SPECC1L: variants seen among roughly 807,000 people sequenced by gnomAD.
SPECC1L encodes cytospin-A.
Under a neutral mutation model 116.8 loss-of-function variants are expected in SPECC1L, and 40 were observed. That is an observed-to-expected ratio of 0.34 (90% CI 0.27 to 0.45). The LOEUF is 0.45. SPECC1L is among the 20% of genes least tolerant of loss of function. SPECC1L has a pLI of 1.00. For missense variants in SPECC1L, 1,110 were observed against 1,373.6 expected (o/e 0.81, Z 3.03); for synonymous variants, 504 against 500.6 (o/e 1.01, Z -0.09).
chr22:24,285,791 A>G (rs985689021), intron 2 of SPECC1L, among the ~76,000 whole-genome samples: 13 of 151,996 alleles, frequency 8.6e-5, no homozygotes, highest in Non-Finnish European at 1.6e-4. Flanking sequence ...ACAGGCACCC[A>G]CCACCAAGCC....
intron 4 of SPECC1L, among the ~76,000 whole-genome samples, chr22:24,313,891 A>G (rs1377681586): frequency 6.6e-6 from 1 of 151,852 alleles, no homozygotes; most frequent in East Asian, 1.9e-4. Flanking sequence ...GGCATGCGCC[A>G]CCATGCCTGG....
At chr22:24,273,050 C>CT (rs1320873819) in intron 1 of SPECC1L, among the ~76,000 whole-genome samples, 1 of 152,152 alleles carries the variant, frequency 6.6e-6, no homozygotes, top group African/African-American at 2.4e-5. Flanking sequence ...TGGAGAATAA[C>CT]TGTAATAATT....
chr22:24,375,855 C>T (rs896659072), intron 14 of SPECC1L, among the ~76,000 whole-genome samples: 5 of 152,062 alleles, frequency 3.3e-5, no homozygotes, highest in African/African-American at 9.7e-5. Context: ...GAGGCTGAGA[C>T]ATGAGAATGA....
At chr22:24,283,780 T>G (rs2048991015) in intron 2 of SPECC1L, among the ~76,000 whole-genome samples, 1 of 152,252 alleles carries the variant, frequency 6.6e-6, no homozygotes, top group Non-Finnish European at 1.5e-5. Context: ...TATTTATCAC[T>G]GTTTGAGCTT....
intron 13 of SPECC1L, among the ~76,000 whole-genome samples, chr22:24,366,089 A>G (rs550736796): frequency 1.4e-4 from 22 of 152,196 alleles, no homozygotes; most frequent in African/African-American, 5.1e-4. Flanking sequence ...AGGTGGTTCT[A>G]TAGATTCAGT....
chr22:24,321,091 G>A (rs1355652487), intron 4 of SPECC1L, among the ~76,000 whole-genome samples, 197 bp from the exon 5 acceptor site: 1 of 152,100 alleles, frequency 6.6e-6, no homozygotes, highest in African/African-American at 2.4e-5. Context: ...ATTTCTCCTT[G>A]ATAATTAAAA....
intron 1 of SPECC1L, among the ~76,000 whole-genome samples, chr22:24,272,333 C>G (rs111481822): frequency 3.9e-5 from 6 of 152,180 alleles, no homozygotes; most frequent in Admixed American, 1.3e-4. Context: ...CCACTGTACC[C>G]CAGCCTGGGC....
At position 24,391,290 on chromosome 22, in the gene SPECC1L, G is replaced by A. The variant is rs559874924; in HGVS notation, c.3088-20298G>A. 3.8e-4 allele frequency among the ~76,000 whole-genome samples: 58 copies of A among 152,270 alleles called. 3 individuals carry two copies. In the South Asian group the frequency reaches 0.012, roughly 30 times the overall value. On this transcript the variant is annotated intron_variant, in intron 14 of 16. Coordinates refer to ENST00000314328, the MANE Select transcript of SPECC1L (RefSeq NM_015330.6). Reference sequence around the variant, plus strand: ...ATTCCTTTTAATGTCAAACATAGCAGCTGGGAAACAAAGTTTTCCCAGAAT... The same window carrying A: ...ATTCCTTTTAATGTCAAACATAGCAACTGGGAAACAAAGTTTTCCCAGAAT...
rs2082732 is a variant in SPECC1L, at chr22:24,412,292, A to C, written c.3205-356A>C. 7.7e-6 allele frequency: 3 copies of C among 388,170 alleles called. No homozygotes were observed. The Admixed American group carries it at 1.1e-4, about 14-fold the overall frequency. The allele number at this position is 388,170 out of a possible 1,614,324, so 24.0% of individuals were successfully genotyped here. A position where few individuals can be genotyped will look rare whatever the true frequency, so the allele number is the denominator to read the frequency against. ...CCCATGTCAGCCCCCAGCCCTGCAG[A>C]CAACCCTCGAAGATCCCTGTGGGGG... On this transcript the variant is annotated intron_variant, in intron 15 of 16. Coordinates refer to ENST00000314328, the MANE Select transcript of SPECC1L (RefSeq NM_015330.6).
intron 2 of SPECC1L, among the ~76,000 whole-genome samples, chr22:24,291,126 T>G (rs1473825201): frequency 1.3e-5 from 2 of 152,228 alleles, no homozygotes; most frequent in African/African-American, 2.4e-5. Flanking sequence ...ATAAGAGAGA[T>G]AAATATATTT....
At chr22:24,347,556 G>A (rs1003288818) in intron 11 of SPECC1L, among the ~76,000 whole-genome samples, 2 of 152,180 alleles carry the variant, frequency 1.3e-5, no homozygotes, top group Non-Finnish European at 1.5e-5. Flanking sequence ...AGGGCAGCCT[G>A]ACTTCAAAGC....
intron 14 of SPECC1L, among the ~76,000 whole-genome samples, chr22:24,381,861 G>A (rs1346370201): frequency 6.6e-6 from 1 of 152,190 alleles, no homozygotes; most frequent in African/African-American, 2.4e-5. Flanking sequence ...TCCAGTCTGG[G>A]CGACAGAGCG....
intron 10 of SPECC1L, among the ~76,000 whole-genome samples, chr22:24,344,592 C>CAA (rs35725042): frequency 7.6e-5 from 9 of 117,944 alleles, no homozygotes; most frequent in Admixed American, 4.1e-4. Flanking sequence ...TGCATAAGAC[C>CAA]AAAAAAAAAA....
intron 10 of SPECC1L, chr22:24,343,471 G>GT (rs558114257): frequency 6.8e-6 from 3 of 441,872 alleles, no homozygotes; most frequent in Non-Finnish European, 1.3e-5. Flanking sequence ...GTTTTGTTTT[G>GT]TTTTTTTGAG....
At chr22:24,397,931 C>G (rs994792422) in intron 14 of SPECC1L, among the ~76,000 whole-genome samples, 9 of 152,220 alleles carry the variant, frequency 5.9e-5, no homozygotes, top group Non-Finnish European at 1.2e-4. Flanking sequence ...AAGGTCACCC[C>G]TTTGGAGCTT....
chr22:24,329,507 G>A (rs1425083648), intron 7 of SPECC1L, among the ~76,000 whole-genome samples: 1 of 152,244 alleles, frequency 6.6e-6, no homozygotes, highest in Non-Finnish European at 1.5e-5. Context: ...GCTGCAGGGA[G>A]TAGGGAGAAA....
Position 24,392,978 on chromosome 22 carries a change from C to T in SPECC1L, c.3088-18610C>T, listed in dbSNP as rs957677731. On this transcript the variant is annotated intron_variant, in intron 14 of 16. Transcript: ENST00000314328. ...TCTGCGCTTCCTCAAAATGTGGTGG[C>T]CACATTCCAAGGACAGTTGTCGAGA... is the stretch of plus-strand genomic sequence containing the variant. Among the ~76,000 whole-genome samples, 5 of 152,292 alleles carry T rather than the reference C, an allele frequency of 3.3e-5. No individual in the cohort carries two copies. The South Asian group carries it at 1.0e-3, about 32-fold the overall frequency.
chr22:24,350,531 G>A (rs190393158), intron 11 of SPECC1L, among the ~76,000 whole-genome samples: 3 of 152,268 alleles, frequency 2.0e-5, no homozygotes, highest in Non-Finnish European at 4.4e-5. Context: ...AGTAGCACAA[G>A]TGGCTGAGAA....
chr22:24,395,103 C>T (rs945362512), intron 14 of SPECC1L, among the ~76,000 whole-genome samples: 2 of 152,186 alleles, frequency 1.3e-5, no homozygotes, highest in Non-Finnish European at 2.9e-5. Context: ...ACTAAGATTA[C>T]AGGCATGAGC....
Sources: allele counts gnomAD v4.1 joint callset (sites outside exome capture counted in the v4.1 genomes callset), GRCh38; gene constraint gnomAD v4.1.1; transcripts MANE v1.5; gene names NCBI Gene and HGNC (gene_info 2026-07-23, HGNC 2026-07-21).